IMMP2L: variants seen among roughly 807,000 people sequenced by gnomAD.
The protein encoded by IMMP2L is mitochondrial inner membrane protease subunit 2.
A neutral mutation model predicts 19.3 loss-of-function variants in IMMP2L; 18 were observed. The ratio of observed to expected loss-of-function variants is 0.93; its 90% CI spans 0.64 to 1.38. The LOEUF (loss-of-function observed/expected upper bound fraction) is 1.38. IMMP2L is among the 40% of genes most tolerant of loss of function. The pLI is 0.00. For synonymous variants in IMMP2L, 76 were observed against 73.0 expected, an observed-to-expected ratio of 1.04 and a Z score of -0.21; for missense variants, 233 against 218.2, an observed-to-expected ratio of 1.07 and a Z score of -0.43.
At chr7:111,492,356 C>T (rs1585332530) in intron 2 of IMMP2L, 3 of 979,974 alleles carry the variant, frequency 3.1e-6, no homozygotes, top group Non-Finnish European at 3.6e-6. Context: ...CTTACCCTAT[C>T]CCCCATACTA....
At chr7:111,093,954 G>T (rs1366189443) in intron 3 of IMMP2L, among the ~76,000 whole-genome samples, 1 of 152,100 alleles carries the variant, frequency 6.6e-6, no homozygotes, top group African/African-American at 2.4e-5. Flanking sequence ...TGGAGGTGGT[G>T]GTTGTTGTTG....
intron 3 of IMMP2L, among the ~76,000 whole-genome samples, chr7:111,226,194 T>C (rs375693852): frequency 6.6e-6 from 1 of 152,106 alleles, no homozygotes; most frequent in South Asian, 2.1e-4. Flanking sequence ...TCTTGCTCTG[T>C]TACCGAGGCT....
chr7:111,525,918 C>G (rs1374252996), intron 1 of IMMP2L, among the ~76,000 whole-genome samples: 1 of 152,038 alleles, frequency 6.6e-6, no homozygotes, highest in South Asian at 2.1e-4. Context: ...GGCCCTGAAG[C>G]ATGACAGCAT....
At position 111,440,364 on chromosome 7, in the gene IMMP2L, G is replaced by A. The variant is rs902161929; in HGVS notation, c.239+46874C>T. ...AAGACTAGAAAGCCAAAATTATTCCGTGATCCTTGAGCAACAGGATGGATA... is the reference window on the plus strand; with the variant it reads ...AAGACTAGAAAGCCAAAATTATTCCATGATCCTTGAGCAACAGGATGGATA... On this transcript the variant is annotated intron_variant, in intron 3 of 5. Coordinates refer to ENST00000405709, the MANE Select transcript of IMMP2L (RefSeq NM_032549.4). Among the ~76,000 whole-genome samples the A allele has an allele frequency of 1.3e-4, 19 of 151,824 alleles. 1 individual carries two copies. The highest frequency in any genetic ancestry group is 3.9e-4 in the African/African-American group (16 of 41,158).
intron 3 of IMMP2L, among the ~76,000 whole-genome samples, chr7:111,199,639 A>G (rs1385218389): frequency 2.0e-5 from 3 of 152,182 alleles, no homozygotes; most frequent in Non-Finnish European, 2.9e-5. Context: ...TAGAAGAAGC[A>G]TAAGCTTTAT....
chr7:111,550,918 G>C (rs892346328), intron 1 of IMMP2L, among the ~76,000 whole-genome samples: 4 of 152,178 alleles, frequency 2.6e-5, no homozygotes, highest in African/African-American at 9.6e-5. Flanking sequence ...AACTGCTAAA[G>C]AGGGAAGTCA....
chr7:110,816,706 T>A (rs1294125842), intron 5 of IMMP2L, among the ~76,000 whole-genome samples: 2 of 150,754 alleles, frequency 1.3e-5, no homozygotes, highest in East Asian at 2.0e-4. Context: ...AATTGATCCC[T>A]TTACCATTAT....
chr7:111,005,781 T>C (rs895356720), intron 3 of IMMP2L, among the ~76,000 whole-genome samples: 1 of 152,188 alleles, frequency 6.6e-6, no homozygotes, highest in Non-Finnish European at 1.5e-5. Flanking sequence ...AATGCAAGTT[T>C]ATTCTTTGAA....
chr7:111,089,899 C>T (rs1233107324), intron 3 of IMMP2L, among the ~76,000 whole-genome samples: 1 of 151,436 alleles, frequency 6.6e-6, no homozygotes, highest in African/African-American at 2.4e-5. Flanking sequence ...TAACTGCAAA[C>T]TATTGTTCTA....
At chr7:110,812,308 GA>G (rs66918261) in intron 5 of IMMP2L, among the ~76,000 whole-genome samples, 7,053 of 152,102 alleles carry the variant, frequency 0.046, 211 homozygotes, top group Non-Finnish European at 0.073. Flanking sequence ...TATGAGGGTA[GA>G]AAAACCCTAG....
intron 4 of IMMP2L, among the ~76,000 whole-genome samples, chr7:110,953,565 T>C (rs1818051604): frequency 6.6e-6 from 1 of 152,132 alleles, no homozygotes; most frequent in East Asian, 1.9e-4. Context: ...ATTCAGTCTA[T>C]CATTGATGGG....
At position 110,870,580 on chromosome 7, in the gene IMMP2L, G is replaced by A. The variant is rs571662742; in HGVS notation, c.408+16013C>T. Among the ~76,000 whole-genome samples the A allele has an allele frequency of 3.3e-5, 5 of 152,126 alleles. No individual in the cohort carries two copies. The highest frequency in any genetic ancestry group is 6.5e-5 in the Admixed American group (1 of 15,278). ...TGTGTGTGTGCACGCGCATGTGTGC[G>A]TGTGTTCCATTTTGTTAGATGCACA... On this transcript the variant is annotated intron_variant, in intron 5 of 5. Coordinates refer to ENST00000405709, the MANE Select transcript of IMMP2L (RefSeq NM_032549.4). This position sits in a 1 kb window ranked among gnomAD's most constrained non-coding sequence, Gnocchi z 4.2.
chr7:110,955,730 C>G (rs1818291741), intron 4 of IMMP2L, among the ~76,000 whole-genome samples: 1 of 151,966 alleles, frequency 6.6e-6, no homozygotes, highest in Admixed American at 6.6e-5. Context: ...AGCTGCCATG[C>G]TCTAAAACAT....
intron 2 of IMMP2L, among the ~76,000 whole-genome samples, chr7:111,500,819 C>G (rs1167084735): frequency 6.6e-6 from 1 of 152,148 alleles, no homozygotes; most frequent in Non-Finnish European, 1.5e-5. Context: ...AAAAACCCAT[C>G]TGTACGTCAC....
intron 3 of IMMP2L, among the ~76,000 whole-genome samples, chr7:110,979,723 T>C (rs964086145): frequency 6.6e-6 from 1 of 151,052 alleles, no homozygotes; most frequent in South Asian, 2.1e-4. Flanking sequence ...AAAACCTCAA[T>C]AGTAAGAAAA....
At chr7:111,185,036 C>T (rs1011127433) in intron 3 of IMMP2L, among the ~76,000 whole-genome samples, 2 of 152,058 alleles carry the variant, frequency 1.3e-5, no homozygotes, top group African/African-American at 4.8e-5. Flanking sequence ...ATTAAAGTAC[C>T]TTTGTTGCTG....
chr7:111,338,642 G>A (rs543063086), intron 3 of IMMP2L, among the ~76,000 whole-genome samples: 31 of 152,102 alleles, frequency 2.0e-4, no homozygotes, highest in African/African-American at 6.7e-4. Context: ...TCCTTATCTA[G>A]CATCATTTAG....
chr7:111,555,303 C>A (rs1462158537), intron 1 of IMMP2L, among the ~76,000 whole-genome samples: 1 of 151,936 alleles, frequency 6.6e-6, no homozygotes, highest in Admixed American at 6.6e-5. Flanking sequence ...GCAAAAGGGC[C>A]AGACGTAGTG....
chr7:110,821,940 C>A (rs534953688), intron 5 of IMMP2L, among the ~76,000 whole-genome samples: 3 of 151,964 alleles, frequency 2.0e-5, no homozygotes, highest in African/African-American at 7.2e-5. Context: ...AGGTAAAATT[C>A]ACTAGTCATA....
Sources: gnomAD v4.1 joint callset for allele counts (sites outside exome capture counted in the v4.1 genomes callset) on GRCh38, gnomAD v4.1.1 for gene constraint, Gnocchi (gnomAD v3.1) non-coding constraint, MANE v1.5 for transcripts, NCBI Gene and HGNC (gene_info 2026-07-23, HGNC 2026-07-21) for gene names.